SRGAP1: variants seen among roughly 807,000 people sequenced by gnomAD.
SRGAP1 encodes the protein SLIT-ROBO Rho GTPase activating protein 1.
Under a neutral mutation model 121.9 loss-of-function variants are expected in SRGAP1, and 43 were observed. That is an observed-to-expected ratio of 0.35 (90% CI 0.28 to 0.46). SRGAP1 has a LOEUF of 0.46. Ranked by LOEUF, SRGAP1 falls within the 20% of genes least tolerant of loss-of-function variation. The probability of loss-of-function intolerance (pLI) is 1.00; values close to 1 mark genes in which losing one functional copy is unlikely to be tolerated. For missense variants in SRGAP1, 1,102 were observed against 1,350.9 expected, an observed-to-expected ratio of 0.82 and a Z score of 2.89; for synonymous variants, 447 against 485.4, an observed-to-expected ratio of 0.92 and a Z score of 1.04.
chr12:64,112,085 C>A, intron 17 of SRGAP1, 99 bp downstream of exon 17: 1 of 919,192 alleles, frequency 1.1e-6, no homozygotes, highest in Non-Finnish European at 1.6e-6. Context: ...GCCACCAATG[C>A]TTCCAACTTA....
chr12:64,112,893 G>C (rs1195740357), intron 17 of SRGAP1, among the ~76,000 whole-genome samples: 2 of 152,140 alleles, frequency 1.3e-5, no homozygotes, highest in Non-Finnish European at 2.9e-5. Context: ...AGGAAGGGAA[G>C]GGGAATAGGA....
At chr12:64,012,551 CTTTTTTT>C (rs386376760) in intron 3 of SRGAP1, among the ~76,000 whole-genome samples, 5 of 77,676 alleles carry the variant, frequency 6.4e-5, no homozygotes, top group Non-Finnish European at 9.0e-5. Context: ...AAGTTATTAT[CTTTTTTT>C]TTTTTTTTTT....
intron 15 of SRGAP1, among the ~76,000 whole-genome samples, chr12:64,107,854 G>C (rs1470122942): frequency 2.6e-5 from 4 of 152,162 alleles, no homozygotes; most frequent in Non-Finnish European, 5.9e-5. Flanking sequence ...TATCTTCAAA[G>C]TTGTACTTTG....
In SRGAP1 at chr12:63,949,111, TAC is replaced by T. The variant is rs1415255206; in HGVS notation, c.68-34834_68-34833del. ...TCCATATATGTATTTTCCATATATATACATTCATATATGTATTTTCCATATAT... is the reference window on the plus strand; with the variant it reads ...TCCATATATGTATTTTCCATATATATATTCATATATGTATTTTCCATATAT... On this transcript the variant is annotated intron_variant, in intron 1 of 21. Transcript: ENST00000355086. Among the ~76,000 whole-genome samples, 290 of 97,260 alleles carry T rather than the reference TAC, an allele frequency of 3.0e-3. 1 individual carries two copies. Among genetic ancestry groups the T allele is most frequent in the African/African-American group, 8.9e-3 (253 of 28,372 alleles). 63.8% of individuals were successfully genotyped at this position (97,260 alleles called of 152,430 possible). A position where few individuals can be genotyped will look rare whatever the true frequency, so the allele number is the denominator to read the frequency against.
Position 64,071,277 on chromosome 12 carries a change from T to C in SRGAP1, c.1125+6058T>C, listed in dbSNP as rs144196763. ...CTAGGATGGGTATAAAAATGAGTCC[T>C]GGGATAGAGCACCCCAAAGAAAATG... On this transcript the variant is annotated intron_variant, in intron 8 of 21. Transcript: ENST00000355086. Among the ~76,000 whole-genome samples, 831 of 152,310 alleles carry C rather than the reference T, an allele frequency of 5.5e-3. 6 individuals are homozygous for C. The highest frequency in any genetic ancestry group is 0.019 in the African/African-American group (786 of 41,552).
chr12:64,128,200 G>T lies in SRGAP1; in HGVS notation c.2880G>T (p.Gln960His). 6.3e-7 allele frequency: 1 copy of T among 1,598,566 alleles called. No individual in the cohort carries two copies. The highest frequency in any genetic ancestry group is 1.1e-5 in the South Asian group (1 of 90,404). ...CACTGGACCCAGAGACAATTGCTCAGGTACGATGCTTTTAATTACATATTG... is the reference window on the plus strand; with the variant it reads ...CACTGGACCCAGAGACAATTGCTCATGTACGATGCTTTTAATTACATATTG... ...HKPLDPETIA[Q>H]DIEETMNTAL... Residue 960 changes from glutamine to histidine, a missense_variant and splice_region_variant, in exon 21 of 22, where the codon CAG becomes CAT. Around this residue, in one of 3 missense-constraint regions of SRGAP1, gnomAD observed 315 missense variants for 343.1 expected, o/e 0.92. Transcript: ENST00000355086.
intron 1 of SRGAP1, among the ~76,000 whole-genome samples, chr12:63,921,382 C>G (rs573583590): frequency 1.3e-5 from 2 of 152,270 alleles, no homozygotes; most frequent in African/African-American, 4.8e-5. Context: ...TATGAGTAAT[C>G]CACGATATGA....
intron 18 of SRGAP1, chr12:64,116,119 T>C: frequency 2.2e-6 from 1 of 463,996 alleles, no homozygotes; most frequent in Non-Finnish European, 4.0e-6. Flanking sequence ...TAGCCAGGCG[T>C]GGTGATGTGC....
chr12:63,899,982 T>C (rs1900882183), intron 1 of SRGAP1, among the ~76,000 whole-genome samples: 1 of 152,114 alleles, frequency 6.6e-6, no homozygotes, highest in Non-Finnish European at 1.5e-5. Flanking sequence ...TCAAAAAACT[T>C]TCTAGAAGCT....
intron 3 of SRGAP1, among the ~76,000 whole-genome samples, chr12:64,000,273 TGTAA>T (rs1199585259): frequency 1.4e-4 from 20 of 147,184 alleles, no homozygotes; most frequent in African/African-American, 4.1e-4. Context: ...TGTGTGTGTG[TGTAA>T]AAAAAAAAAA....
At chr12:64,030,490 G>A (rs2034751524) in intron 4 of SRGAP1, among the ~76,000 whole-genome samples, 16 of 152,084 alleles carry the variant, frequency 1.1e-4, no homozygotes, top group Admixed American at 9.8e-4. Flanking sequence ...CTTCTTTAGG[G>A]TAAGTTGATC....
At chr12:63,845,612 A>G (rs148901737) in intron 1 of SRGAP1, among the ~76,000 whole-genome samples, 358 of 147,698 alleles carry the variant, frequency 2.4e-3, no homozygotes, top group African/African-American at 8.8e-3. Flanking sequence ...CAACTAATGA[A>G]GGAAACCTAA....
chr12:63,911,934 A>T (rs996437987), intron 1 of SRGAP1, among the ~76,000 whole-genome samples: 2 of 152,196 alleles, frequency 1.3e-5, no homozygotes, highest in African/African-American at 2.4e-5. Flanking sequence ...GCCTATAATT[A>T]GCTCTATTTT....
At chr12:64,060,377 T>G (rs1296270229) in intron 6 of SRGAP1, among the ~76,000 whole-genome samples, 1 of 151,914 alleles carries the variant, frequency 6.6e-6, no homozygotes, top group African/African-American at 2.4e-5. Context: ...CGGCTAATTT[T>G]TAAAATTTTT....
chr12:63,945,874 A>G (rs1372035648), intron 1 of SRGAP1, among the ~76,000 whole-genome samples: 1 of 152,174 alleles, frequency 6.6e-6, no homozygotes, highest in African/African-American at 2.4e-5. Flanking sequence ...CCAGCACTTC[A>G]GTCTCAGAGC....
intron 1 of SRGAP1, among the ~76,000 whole-genome samples, chr12:63,868,743 AT>A (rs1899751838): frequency 6.6e-6 from 1 of 152,226 alleles, no homozygotes; most frequent in Admixed American, 6.5e-5. Context: ...GACCACTCTC[AT>A]CATAAGATCT....
chr12:63,990,256 G>A (rs1440950925), intron 3 of SRGAP1, among the ~76,000 whole-genome samples, 184 bp downstream of exon 3: 3 of 152,192 alleles, frequency 2.0e-5, no homozygotes, highest in African/African-American at 4.8e-5. Flanking sequence ...AAATTAGGCC[G>A]GGCGTGGTAG....
intron 1 of SRGAP1, among the ~76,000 whole-genome samples, chr12:63,894,608 A>T (rs1462787677): frequency 3.3e-5 from 5 of 151,702 alleles, no homozygotes; most frequent in African/African-American, 1.2e-4. Context: ...ATCTCCTAAT[A>T]TTGTCCCTCC....
At chr12:64,021,053 C>T (rs1296429918) in intron 4 of SRGAP1, among the ~76,000 whole-genome samples, 2 of 152,050 alleles carry the variant, frequency 1.3e-5, no homozygotes, top group Admixed American at 6.5e-5. Context: ...CAGTTAAACC[C>T]CATTGTAAGG....
Sources: gnomAD v4.1 joint callset for allele counts (sites outside exome capture counted in the v4.1 genomes callset) on GRCh38, gnomAD v4.1.1 for gene constraint, gnomAD v4.1.1 regional missense constraint, MANE v1.5 for transcripts, NCBI Gene and HGNC (gene_info 2026-07-23, HGNC 2026-07-21) for gene names.